Variants in NRXN2 observed in about 807,000 individuals in gnomAD.
NRXN2 encodes neurexin-2-beta.
Under a neutral mutation model 128.8 loss-of-function variants are expected in NRXN2, and 29 were observed. The observed-to-expected ratio is 0.23, with a 90% CI of 0.17 to 0.31. The LOEUF (loss-of-function observed/expected upper bound fraction) is 0.31, where lower values mean the gene tolerates loss of function less well. Among genes scored for constraint, NRXN2 ranks in the 10% least tolerant of loss-of-function variants. The pLI is 1.00. For synonymous variants in NRXN2, 1,098 were observed against 1,075.2 expected (o/e 1.02, Z -0.41); for missense variants, 1,881 against 2,452.6 (o/e 0.77, Z 4.92).
rs1167366630 is a variant in NRXN2 at position 64,667,932 on chromosome 11, TG to T, written c.1360-245del. Reference sequence around the variant, plus strand: ...CAGCAGGAGCATGGTGGCTTGCCTGTGGGTTCTCAGTGCCCACTAAATTGCA... The same window carrying T: ...CAGCAGGAGCATGGTGGCTTGCCTGTGGTTCTCAGTGCCCACTAAATTGCA... On this transcript the variant is annotated intron_variant, in intron 8 of 22. Transcript: ENST00000265459. This position sits in a 1 kb window ranked among gnomAD's most constrained non-coding sequence, Gnocchi z 5.6. 6.6e-6 allele frequency among the ~76,000 whole-genome samples: 1 copy of T among 152,238 alleles called. No individual in the cohort carries two copies. The highest frequency in any genetic ancestry group is 1.5e-5 in the Non-Finnish European group (1 of 68,044).
Position 64,623,394 on chromosome 11 carries a change from T to C in NRXN2, c.3848-316A>G. 2.3e-6 allele frequency: 1 copy of C among 435,360 alleles called. No homozygotes were observed. Among genetic ancestry groups the C allele is most frequent in the Non-Finnish European group, 4.2e-6 (1 of 236,088 alleles). The allele number at this position is 435,360 out of a possible 1,614,324, so 27.0% of individuals were successfully genotyped here. A position where few individuals can be genotyped will look rare whatever the true frequency, so the allele number is the denominator to read the frequency against. On this transcript the variant is annotated intron_variant, in intron 20 of 22. Coordinates refer to ENST00000265459, the MANE Select transcript of NRXN2 (RefSeq NM_015080.4). The surrounding 1 kb of genome is among the most constrained non-coding windows in gnomAD (Gnocchi z 4.9). The stretch of plus-strand genomic sequence containing the variant: ...TTCCCACCTTCCCCATTCCCTCTCC[T>C]CTCCAGCTCCAAGGTCATCTCCCCT...
At chr11:64,677,072 G>C (rs1368581665) in intron 6 of NRXN2, 35 bp from the exon 7 acceptor site, 1 of 1,269,682 alleles carries the variant, frequency 7.9e-7, no homozygotes, top group East Asian at 3.8e-5. Flanking sequence ...GGGAGGAGGG[G>C]GGTGTCAAAA....
chr11:64,683,555 G>A (rs1305303952), intron 6 of NRXN2, among the ~76,000 whole-genome samples: 1 of 151,662 alleles, frequency 6.6e-6, no homozygotes, highest in East Asian at 1.9e-4. Context: ...GGGAGACAGA[G>A]GTTGGAGTGA....
chr11:64,667,593 G>A lies in NRXN2; in HGVS notation c.1455C>T (p.Arg485=). 1.9e-6 allele frequency: 3 copies of A among 1,614,250 alleles called. No homozygotes were observed. Among genetic ancestry groups the A allele is most frequent in the Non-Finnish European group, 2.5e-6 (3 of 1,180,054 alleles). ...KMKLQGDLSF[R]CEDVAALDPV... ...GGTCCAGGGCAGCCACATCCTCACA[G>A]CGGAATGACAAGTCCCCCTGCAGCT... Residue 485 remains arginine (R), a synonymous_variant, in exon 9 of 23, where the codon CGC becomes CGT. Transcript: ENST00000265459. The surrounding 1 kb of genome is among the most constrained non-coding windows in gnomAD (Gnocchi z 5.6).
At chr11:64,697,920 G>A in intron 2 of NRXN2, 128 bp from the exon 3 acceptor site, 1 of 1,069,032 alleles carries the variant, frequency 9.4e-7, no homozygotes, top group South Asian at 1.3e-5. Context: ...GCCCTGACAT[G>A]AGTCACCCAA....
intron 22 of NRXN2, among the ~76,000 whole-genome samples, chr11:64,618,878 G>A (rs1052773191): frequency 1.3e-5 from 2 of 152,150 alleles, no homozygotes; most frequent in African/African-American, 2.4e-5. Flanking sequence ...CCTACTTGGG[G>A]GACATGGAGG....
chr11:64,661,213 C>T, intron 9 of NRXN2, 74 bp from the exon 10 acceptor site: 1 of 1,600,844 alleles, frequency 6.2e-7, no homozygotes, highest in Non-Finnish European at 8.5e-7. Flanking sequence ...GCCAAGAAGG[C>T]CCCCCACCTT....
chr11:64,634,967 TC>T, intron 18 of NRXN2, among the ~76,000 whole-genome samples: 1 of 152,096 alleles, frequency 6.6e-6, no homozygotes, highest in South Asian at 2.1e-4. Flanking sequence ...GGCCTGGAAG[TC>T]CCAAAGAGGC....
intron 6 of NRXN2, among the ~76,000 whole-genome samples, chr11:64,678,766 T>G (rs2051725686): frequency 6.6e-6 from 1 of 152,112 alleles, no homozygotes. Context: ...GCTTGATGCC[T>G]GTTAAATACT....
Position 64,667,455 on chromosome 11 carries a change from G to C in NRXN2, c.1593C>G (p.Leu531=), listed in dbSNP as rs202127347. The C allele has an allele frequency of 4.3e-6, 7 of 1,614,150 alleles. No homozygotes were observed. The highest frequency in any genetic ancestry group is 4.2e-6 in the Non-Finnish European group (5 of 1,180,030). The change falls in exon 9 of 23, where the codon CTC becomes CTG. Residue 531 remains leucine, a synonymous_variant. Coordinates refer to ENST00000265459, the MANE Select transcript of NRXN2 (RefSeq NM_015080.4). This position sits in a 1 kb window ranked among gnomAD's most constrained non-coding sequence, Gnocchi z 5.6. ...FRTTEPNGLL[L]FSQGRRAGGG... ...CCCCAGCCCGCCGGCCCTGGCTGAA[G>C]AGCAGCAGCCCATTGGGCTCGGTGG...
intron 2 of NRXN2, among the ~76,000 whole-genome samples, chr11:64,700,695 C>A (rs541949186): frequency 6.7e-4 from 102 of 152,308 alleles, no homozygotes; most frequent in African/African-American, 2.3e-3. Flanking sequence ...CCATCCCCAG[C>A]CTGACCCTCT....
chr11:64,688,952 T>A, intron 5 of NRXN2: 1 of 290,452 alleles, frequency 3.4e-6, no homozygotes, highest in Non-Finnish European at 5.1e-6. Context: ...TACTGCTCCC[T>A]GGAGAGGAAA....
In NRXN2 at chr11:64,630,451, G is replaced by T; in HGVS notation, c.3708C>A (p.Asn1236Lys). Reference protein sequence around the residue: ...HVVRFTRSGGNATLQVDSWPV... With the variant: ...HVVRFTRSGGKATLQVDSWPV... ...GCCAGCTGTCCACCTGCAGGGTGGC[G>T]TTGCCGCCGCTTCGAGTGAAGCGCA... The change falls in exon 19 of 23, where the codon AAC (asparagine) becomes AAA (lysine). Residue 1236 changes from asparagine (N) to lysine (K), a missense_variant. By Grantham distance (94) the Asn-to-Lys change is moderately conservative. Around this residue, in one of 7 missense-constraint regions of NRXN2, gnomAD observed 390 missense variants for 599.6 expected, o/e 0.65. Coordinates refer to ENST00000265459, the MANE Select transcript of NRXN2 (RefSeq NM_015080.4). The surrounding 1 kb of genome is among the most constrained non-coding windows in gnomAD (Gnocchi z 4.6). 1 of 1,613,474 alleles carries T rather than the reference G, an allele frequency of 6.2e-7. No individual in the cohort carries two copies. Among genetic ancestry groups the T allele is most frequent in the Non-Finnish European group, 8.5e-7 (1 of 1,179,888 alleles).
Position 64,660,625 on chromosome 11 carries a change from G to A in NRXN2, c.2186-90C>T. ...CAGAGAATCATTACAAGGGCGAAAA[G>A]CCTAGGGCAGGTCTATGAGGGGTTC... On this transcript the variant is annotated intron_variant, in intron 10 of 22. Transcript: ENST00000265459. This position sits in a 1 kb window ranked among gnomAD's most constrained non-coding sequence, Gnocchi z 5.2. 1 of 1,587,538 alleles carries A rather than the reference G, an allele frequency of 6.3e-7. No individual in the cohort carries two copies. Among genetic ancestry groups the A allele is most frequent in the Non-Finnish European group, 8.6e-7 (1 of 1,163,410 alleles).
rs1023816854 is a variant in NRXN2, at chr11:64,694,095, T to C, written c.749-1219A>G. Among the ~76,000 whole-genome samples, 4 of 152,068 alleles carry C rather than the reference T, an allele frequency of 2.6e-5. No homozygotes were observed. In the East Asian group the frequency reaches 7.7e-4, roughly 29 times the overall value. On this transcript the variant is annotated intron_variant, in intron 3 of 22. Transcript: ENST00000265459. ...CCAACAGGCACCAGCCAAGGAAAGC[T>C]CTCTCCTAGAGAGGCTGGCAGCACC...
At chr11:64,679,994 T>C (rs1042168587) in intron 6 of NRXN2, among the ~76,000 whole-genome samples, 2 of 152,088 alleles carry the variant, frequency 1.3e-5, no homozygotes, top group African/African-American at 2.4e-5. Context: ...ATCCCACTCA[T>C]AGAAAGAGCT....
In NRXN2 at chr11:64,653,557, C is replaced by T. The variant is rs1386346302; in HGVS notation, c.2416+139G>A. On this transcript the variant is annotated intron_variant, in intron 12 of 22. Transcript: ENST00000265459. ...CCCAACCTCACCCTCCTGCCTGCAC[C>T]CCTCCCCACACTCAAGGCCCAACCC... 1.1e-5 allele frequency: 9 copies of T among 845,026 alleles called. 1 individual carries two copies. The East Asian group carries it at 1.6e-4, about 15-fold the overall frequency. The allele number at this position is 845,026 out of a possible 1,614,324, so 52.3% of individuals were successfully genotyped here.
rs1001937438 is a variant in NRXN2 at position 64,651,883 on chromosome 11, C to T, written c.2536+152G>A. 7.9e-7 allele frequency: 1 copy of T among 1,262,030 alleles called. No homozygotes were observed. The highest frequency in any genetic ancestry group is 1.5e-5 in the African/African-American group (1 of 68,148). The allele number at this position is 1,262,030 out of a possible 1,614,324, so 78.2% of individuals were successfully genotyped here. On this transcript the variant is annotated intron_variant, in intron 13 of 22. Transcript: ENST00000265459. The surrounding 1 kb of genome is among the most constrained non-coding windows in gnomAD (Gnocchi z 5.9). ...AAATCGTTCCTGGGGTCCAGATGCC[C>T]ATAACATTCCACCCCTGAAGGAGAA...
intron 22 of NRXN2, among the ~76,000 whole-genome samples, chr11:64,613,800 C>A (rs192859101): frequency 6.6e-6 from 1 of 152,262 alleles, no homozygotes. Flanking sequence ...TAACACAAAC[C>A]TGAGAAGGCA....
Sources: allele counts gnomAD v4.1 joint callset (sites outside exome capture counted in the v4.1 genomes callset), GRCh38; gene constraint gnomAD v4.1.1; regional missense constraint gnomAD v4.1.1; non-coding constraint Gnocchi (gnomAD v3.1); transcripts MANE v1.5; gene names NCBI Gene and HGNC (gene_info 2026-07-23, HGNC 2026-07-21).